Variants in ZNF831 observed in about 807,000 individuals in gnomAD.
ZNF831 encodes zinc finger protein 831, also known as chromosome 20 open reading frame 174.
ZNF831 carries 59 observed loss-of-function variants against 95.8 expected under a neutral mutation model. The ratio of observed to expected loss-of-function variants is 0.62; its 90% CI spans 0.50 to 0.77. ZNF831 has a LOEUF of 0.77. Among genes scored for constraint, ZNF831 ranks in the 30% least tolerant of loss-of-function variants. The pLI is 0.00. For missense variants in ZNF831, 2,205 were observed against 2,164.0 expected (o/e 1.02, Z -0.38); for synonymous variants, 961 against 925.5 (o/e 1.04, Z -0.70).
intron 1 of ZNF831, among the ~76,000 whole-genome samples, chr20:59,132,663 A>G (rs1018338763): frequency 2.6e-5 from 4 of 152,060 alleles, no homozygotes; most frequent in African/African-American, 9.7e-5. Flanking sequence ...TTTTTTTTCA[A>G]TTGGGCACCT....
intron 1 of ZNF831, among the ~76,000 whole-genome samples, chr20:59,123,692 G>A (rs76333603): frequency 0.1 from 15,136 of 149,628 alleles, 1,061 homozygotes; most frequent in Non-Finnish European, 0.14. Flanking sequence ...GAGCGATGTG[G>A]AGGTGACTCG....
chr20:59,240,459 TA>T (rs1452674588), intron 4 of ZNF831, among the ~76,000 whole-genome samples: 1 of 152,202 alleles, frequency 6.6e-6, no homozygotes, highest in Non-Finnish European at 1.5e-5. Context: ...GCTGCTCTTT[TA>T]AAAACATCTA....
chr20:59,214,660 CTT>C (rs1262794752), intron 4 of ZNF831, among the ~76,000 whole-genome samples: 2 of 152,218 alleles, frequency 1.3e-5, no homozygotes, highest in East Asian at 1.9e-4. Flanking sequence ...CTCACATGCT[CTT>C]GTGTCAGTTT....
rs200214226 is a variant in ZNF831, at chr20:59,192,347, C to T, written c.1328C>T (p.Pro443Leu). The change falls in exon 2 of 6, where the codon CCC (proline) becomes CTC (leucine). Residue 443 changes from proline to leucine, a missense_variant. Coordinates refer to ENST00000371030, the MANE Select transcript of ZNF831 (RefSeq NM_178457.3). This position sits in a 1 kb window ranked among gnomAD's most constrained non-coding sequence, Gnocchi z 5.2. ...TCCAAACAGGGCAGCATCGACCTGC[C>T]CACGCCCTACACCTACAAGGACTCC... ...GLSKQGSIDL[P>L]TPYTYKDSFH... 2.7e-4 allele frequency: 440 copies of T among 1,609,282 alleles called. 1 individual carries two copies. The African/African-American group carries it at 5.5e-3, about 20-fold the overall frequency.
chr20:59,130,587 T>G (rs989996216), intron 1 of ZNF831, among the ~76,000 whole-genome samples: 3 of 152,164 alleles, frequency 2.0e-5, no homozygotes, highest in Non-Finnish European at 4.4e-5. Context: ...ACCTTGGGGC[T>G]TCTAAACGCC....
chr20:59,257,583 A>G lies in ZNF831; in HGVS notation c.*2840A>G, dbSNP rs950222863. ...CTAAAAATAAAATGTCAGTATTATC[A>G]ATTGATAACTACCACAGTTTTATAC... On this transcript the variant is annotated 3_prime_UTR_variant, in exon 6 of 6. Transcript: ENST00000371030. 2 of 152,234 alleles carry G rather than the reference A, an allele frequency of 1.3e-5. No individual in the cohort carries two copies. The highest frequency in any genetic ancestry group is 4.8e-5 in the African/African-American group (2 of 41,468). The allele number at this position is 152,234 out of a possible 1,614,324, so 9.4% of individuals were successfully genotyped here. A position where few individuals can be genotyped will look rare whatever the true frequency, so the allele number is the denominator to read the frequency against.
chr20:59,248,771 T>C (rs1987737698), intron 4 of ZNF831, among the ~76,000 whole-genome samples: 2 of 152,250 alleles, frequency 1.3e-5, no homozygotes, highest in South Asian at 4.1e-4. Flanking sequence ...CCATTAATTT[T>C]TGATAATTTT....
chr20:59,129,617 T>C (rs1979286839), intron 1 of ZNF831, among the ~76,000 whole-genome samples: 1 of 152,174 alleles, frequency 6.6e-6, no homozygotes, highest in African/African-American at 2.4e-5. Flanking sequence ...AGTGAGTCTC[T>C]GGCTCAAACA....
rs1983714583 is a variant in ZNF831, at chr20:59,192,795, G to T, written c.1776G>T (p.Ala592=). The change falls in exon 2 of 6, where the codon GCG becomes GCT. Residue 592 remains alanine, a synonymous_variant. Coordinates refer to ENST00000371030, the MANE Select transcript of ZNF831 (RefSeq NM_178457.3). This position sits in a 1 kb window ranked among gnomAD's most constrained non-coding sequence, Gnocchi z 5.2. ...ACACAGACGCAAAGAGAACTGCTGC[G>T]CGGGAGGCCATGGCCGGCAAGGGCA... The part of the protein sequence containing the change: ...AEDTDAKRTA[A]REAMAGKGRA... 2 of 1,612,194 alleles carry T rather than the reference G, an allele frequency of 1.2e-6. No homozygotes were observed. Among genetic ancestry groups the T allele is most frequent in the Admixed American group, 3.3e-5 (2 of 59,908 alleles).
At chr20:59,187,404 C>T (rs1194457738) in intron 1 of ZNF831, among the ~76,000 whole-genome samples, 1 of 152,016 alleles carries the variant, frequency 6.6e-6, no homozygotes, top group Admixed American at 6.6e-5. Context: ...AGAAGACGGC[C>T]ATCTAGGTAC....
chr20:59,253,813 T>G, intron 5 of ZNF831, 85 bp from the exon 6 acceptor site: 1 of 1,454,076 alleles, frequency 6.9e-7, no homozygotes, highest in Non-Finnish European at 9.2e-7. Flanking sequence ...CCTGTTTTCA[T>G]TGAGGACCAC....
rs181323367 is a variant in ZNF831 at position 59,165,218 on chromosome 20, G to C, written c.-37+1011G>C. Among the ~76,000 whole-genome samples, 756 of 152,240 alleles carry C rather than the reference G, an allele frequency of 5.0e-3. 2 individuals are homozygous for C. Among genetic ancestry groups the C allele is most frequent in the Middle Eastern group, 0.017 (5 of 292 alleles). ...CCAAAAGCACCTGCCTAGGGGAAAT[G>C]GGCTCACTATCAGGCGCCGTGGAGT... On this transcript the variant is annotated intron_variant, in intron 1 of 5. Coordinates refer to ENST00000371030, the MANE Select transcript of ZNF831 (RefSeq NM_178457.3).
At chr20:59,234,762 T>A (rs1335631920) in intron 4 of ZNF831, among the ~76,000 whole-genome samples, 1 of 152,232 alleles carries the variant, frequency 6.6e-6, no homozygotes. Context: ...GCAGTTGTTG[T>A]TTTTAATAAA....
intron 2 of ZNF831, among the ~76,000 whole-genome samples, chr20:59,147,885 C>A (rs965783292): frequency 5.3e-4 from 80 of 152,216 alleles, no homozygotes; most frequent in African/African-American, 1.8e-3. Flanking sequence ...TGATTGTACG[C>A]ATGAAGCCTT....
At chr20:59,146,055 G>A (rs913753345) in intron 1 of ZNF831, among the ~76,000 whole-genome samples, 3 of 152,046 alleles carry the variant, frequency 2.0e-5, no homozygotes, top group Admixed American at 1.3e-4. Flanking sequence ...CAGAGCTGCC[G>A]TGGCACTGAG....
chr20:59,133,522 C>T (rs989317817), intron 1 of ZNF831, among the ~76,000 whole-genome samples: 2 of 152,192 alleles, frequency 1.3e-5, no homozygotes, highest in Non-Finnish European at 2.9e-5. Context: ...CCAGATGGCC[C>T]TGCCCATGGG....
intron 1 of ZNF831, among the ~76,000 whole-genome samples, chr20:59,164,691 C>G (rs1367543556): frequency 6.6e-6 from 1 of 152,152 alleles, no homozygotes; most frequent in African/African-American, 2.4e-5. Flanking sequence ...TTCTACTGAT[C>G]AGCCACCCAA....
chr20:59,198,450 G>A (rs941946610), intron 3 of ZNF831, among the ~76,000 whole-genome samples: 9 of 152,184 alleles, frequency 5.9e-5, no homozygotes, highest in African/African-American at 2.2e-4. Flanking sequence ...TCCCTGCTGC[G>A]CTCTCTAGCT....
At chr20:59,234,649 A>G (rs1271057616) in intron 4 of ZNF831, among the ~76,000 whole-genome samples, 1 of 152,216 alleles carries the variant, frequency 6.6e-6, no homozygotes, top group Non-Finnish European at 1.5e-5. Context: ...AGGTTTTGAG[A>G]CACTCAACGC....
Sources: allele counts gnomAD v4.1 joint callset (sites outside exome capture counted in the v4.1 genomes callset), GRCh38; gene constraint gnomAD v4.1.1; non-coding constraint Gnocchi (gnomAD v3.1); transcripts MANE v1.5; gene names NCBI Gene and HGNC (gene_info 2026-07-23, HGNC 2026-07-21).